CCDC60: variants seen among roughly 807,000 people sequenced by gnomAD.
The protein encoded by CCDC60 is coiled-coil domain containing 60.
CCDC60 carries 54 observed loss-of-function variants against 63.5 expected under a neutral mutation model. That is an observed-to-expected ratio of 0.85 (90% confidence interval 0.68 to 1.07). CCDC60 has a LOEUF of 1.07. Ranked by LOEUF, CCDC60 falls within the 50% of genes least tolerant of loss-of-function variation. The pLI is 0.00. For synonymous variants in CCDC60, 206 were observed against 238.8 expected, an observed-to-expected ratio of 0.86 and a Z score of 1.27; for missense variants, 651 against 684.3, an observed-to-expected ratio of 0.95 and a Z score of 0.54.
chr12:119,421,006 A>T lies in CCDC60; in HGVS notation c.91-7677A>T, dbSNP rs116849272. On this transcript the variant is annotated intron_variant, in intron 1 of 13. Coordinates refer to ENST00000327554, the MANE Select transcript of CCDC60 (RefSeq NM_178499.5). ...TGAGTCTGAAATTTGTTAATCAGCA[A>T]GCTCGCTTCTCAGTGCTGTCTTTTC... Among the ~76,000 whole-genome samples the T allele has an allele frequency of 5.1e-3, 777 of 152,216 alleles. 8 individuals are homozygous for T. Among genetic ancestry groups the T allele is most frequent in the Non-Finnish European group, 6.1e-3 (412 of 68,032 alleles).
chr12:119,465,488 T>C (rs1171714265), intron 2 of CCDC60, among the ~76,000 whole-genome samples: 1 of 151,898 alleles, frequency 6.6e-6, no homozygotes, highest in Non-Finnish European at 1.5e-5. Context: ...CCGGGCGAGG[T>C]GGTTCACACC....
At chr12:119,446,672 A>G (rs1443937644) in intron 2 of CCDC60, among the ~76,000 whole-genome samples, 5 of 150,346 alleles carry the variant, frequency 3.3e-5, no homozygotes, top group African/African-American at 7.4e-5. Flanking sequence ...AGTGTCTACG[A>G]TGGTTCACTG....
chr12:119,388,739 G>T (rs1487656370), intron 1 of CCDC60, among the ~76,000 whole-genome samples: 1 of 152,118 alleles, frequency 6.6e-6, no homozygotes, highest in African/African-American at 2.4e-5. Context: ...ATGTATCTTT[G>T]TTCTTACTTT....
At chr12:119,497,065 C>T (rs1244495862) in intron 5 of CCDC60, among the ~76,000 whole-genome samples, 1 of 152,138 alleles carries the variant, frequency 6.6e-6, no homozygotes, top group East Asian at 1.9e-4. Context: ...CCACCATCAA[C>T]GAGGCAGAAA....
chr12:119,385,458 C>T (rs766206476), intron 1 of CCDC60, among the ~76,000 whole-genome samples: 1 of 152,174 alleles, frequency 6.6e-6, no homozygotes. Flanking sequence ...ATAAGTCTCA[C>T]GAGATCTGAT....
intron 1 of CCDC60, chr12:119,387,957 C>T (rs1162518943): frequency 6.6e-6 from 1 of 152,170 alleles, no homozygotes; most frequent in Non-Finnish European, 1.5e-5. Context: ...AGTTAAGATA[C>T]TTTTGGCTGC....
intron 1 of CCDC60, among the ~76,000 whole-genome samples, chr12:119,398,346 G>A (rs1348084617): frequency 5.9e-5 from 9 of 152,098 alleles, no homozygotes; most frequent in African/African-American, 1.7e-4. Flanking sequence ...GTGGCCCTCC[G>A]AGCTTACGCC....
intron 4 of CCDC60, among the ~76,000 whole-genome samples, chr12:119,479,995 TACACACACAC>T (rs56080581): frequency 0.011 from 1,389 of 122,076 alleles, 54 homozygotes; most frequent in Admixed American, 0.082. Flanking sequence ...CCGTACATCA[TACACACACAC>T]ACACACACAC....
At chr12:119,369,939 A>T (rs1468189752) in intron 1 of CCDC60, among the ~76,000 whole-genome samples, 2 of 152,146 alleles carry the variant, frequency 1.3e-5, no homozygotes, top group African/African-American at 4.8e-5. Context: ...ACCACCTAAA[A>T]TCAGGGATTT....
intron 1 of CCDC60, among the ~76,000 whole-genome samples, chr12:119,395,292 A>G (rs1303261052): frequency 6.6e-6 from 1 of 152,202 alleles, no homozygotes; most frequent in Non-Finnish European, 1.5e-5. Context: ...ATAAAGAAAT[A>G]CCTGAGACTG....
chr12:119,438,940 C>T (rs1950379716), intron 2 of CCDC60, among the ~76,000 whole-genome samples: 1 of 152,060 alleles, frequency 6.6e-6, no homozygotes, highest in Non-Finnish European at 1.5e-5. Context: ...TTAGATCCTA[C>T]AATGCCTGGA....
At chr12:119,432,528 G>A (rs181650321) in intron 2 of CCDC60, among the ~76,000 whole-genome samples, 5 of 152,276 alleles carry the variant, frequency 3.3e-5, no homozygotes, top group African/African-American at 4.8e-5. Flanking sequence ...CCAACTAAGA[G>A]CCCCAGATGC....
intron 5 of CCDC60, among the ~76,000 whole-genome samples, chr12:119,497,000 C>T (rs558248525): frequency 1.3e-5 from 2 of 152,276 alleles, no homozygotes; most frequent in East Asian, 3.9e-4. Flanking sequence ...CCTTTCAAAT[C>T]CAACAGGGAG....
At chr12:119,416,353 T>C (rs1337605367) in intron 1 of CCDC60, among the ~76,000 whole-genome samples, 1 of 152,056 alleles carries the variant, frequency 6.6e-6, no homozygotes, top group Admixed American at 6.6e-5. Flanking sequence ...CACTCCAGCC[T>C]GGGAAACAAG....
At chr12:119,355,279 C>A (rs1041045525) in intron 1 of CCDC60, among the ~76,000 whole-genome samples, 8 of 152,176 alleles carry the variant, frequency 5.3e-5, no homozygotes, top group Non-Finnish European at 1.0e-4. Flanking sequence ...TGGGTTCAGG[C>A]ACATACTCAG....
intron 1 of CCDC60, among the ~76,000 whole-genome samples, chr12:119,427,768 G>A (rs536224852): frequency 5.9e-5 from 9 of 152,222 alleles, no homozygotes; most frequent in Admixed American, 5.2e-4. Context: ...TTCAAGACAA[G>A]ATAATCTAGG....
chr12:119,532,916 C>G (rs894495902), intron 13 of CCDC60, among the ~76,000 whole-genome samples: 4 of 152,118 alleles, frequency 2.6e-5, no homozygotes, highest in African/African-American at 9.7e-5. Flanking sequence ...GATTTATAAT[C>G]CTTTGGGTAT....
chr12:119,373,023 C>A (rs1163114369), intron 1 of CCDC60, among the ~76,000 whole-genome samples: 1 of 152,094 alleles, frequency 6.6e-6, no homozygotes, highest in Non-Finnish European at 1.5e-5. Context: ...ATGAGTACCA[C>A]AATAGATTAT....
At chr12:119,433,646 C>T in intron 2 of CCDC60, 1 of 696,400 alleles carries the variant, frequency 1.4e-6, no homozygotes. Context: ...ATGATGTTGA[C>T]TTTTCCATCC....
Sources: gnomAD v4.1 joint callset for allele counts (sites outside exome capture counted in the v4.1 genomes callset) on GRCh38, gnomAD v4.1.1 for gene constraint, MANE v1.5 for transcripts, NCBI Gene and HGNC (gene_info 2026-07-23, HGNC 2026-07-21) for gene names.